SYCP2: variants seen among roughly 807,000 people sequenced by gnomAD.
SYCP2 encodes synaptonemal complex protein 2.
Under a neutral mutation model 211.3 loss-of-function variants are expected in SYCP2, and 55 were observed. The observed-to-expected ratio is 0.26, with a 90% confidence interval of 0.21 to 0.33. The LOEUF is 0.33. Ranked by LOEUF, SYCP2 falls within the 10% of genes least tolerant of loss-of-function variation. The probability of loss-of-function intolerance (pLI) is 1.00; values close to 1 mark genes in which losing one functional copy is unlikely to be tolerated. For synonymous variants in SYCP2, 570 were observed against 555.2 expected, an observed-to-expected ratio of 1.03 and a Z score of -0.37; for missense variants, 1,731 against 1,752.0, an observed-to-expected ratio of 0.99 and a Z score of 0.21.
Position 59,868,393 on chromosome 20 carries a change from C to A in SYCP2, c.3988+20G>T. 1 of 1,593,170 alleles carries A rather than the reference C, an allele frequency of 6.3e-7. No individual in the cohort carries two copies. Among genetic ancestry groups the A allele is most frequent in the Non-Finnish European group, 8.5e-7 (1 of 1,174,238 alleles). On this transcript the variant is annotated intron_variant, in intron 38 of 44. Transcript: ENST00000357552. ...CCCTCCAAATAACTGCATTTTGATA[C>A]AGGCTACTGATCTACCTACTTTTGT...
At position 59,891,285 on chromosome 20, in the gene SYCP2, A is replaced by T. The variant is rs557439692; in HGVS notation, c.2364+705T>A. ...AGTGGAAATGTATTCTAATTAAAAAATTTTTCTTAATCTGCATTTTGATAG... is the reference window on the plus strand; with the variant it reads ...AGTGGAAATGTATTCTAATTAAAAATTTTTTCTTAATCTGCATTTTGATAG... On this transcript the variant is annotated intron_variant, in intron 24 of 44. Coordinates refer to ENST00000357552, the MANE Select transcript of SYCP2 (RefSeq NM_014258.4). Among the ~76,000 whole-genome samples, 8 of 152,042 alleles carry T rather than the reference A, an allele frequency of 5.3e-5. No homozygotes were observed. The South Asian group carries it at 1.2e-3, about 24-fold the overall frequency.
intron 15 of SYCP2, among the ~76,000 whole-genome samples, chr20:59,904,053 A>C (rs2145795671): frequency 6.6e-6 from 1 of 152,308 alleles, no homozygotes; most frequent in South Asian, 2.1e-4. Flanking sequence ...CTGCTGGAGA[A>C]AAGAAGACAA....
intron 14 of SYCP2, among the ~76,000 whole-genome samples, chr20:59,907,900 G>A (rs1378082201): frequency 6.6e-6 from 1 of 152,130 alleles, no homozygotes; most frequent in African/African-American, 2.4e-5. Context: ...TATTTTCACT[G>A]AAAATGTGTA....
intron 35 of SYCP2, among the ~76,000 whole-genome samples, chr20:59,871,872 T>C (rs1286242704): frequency 6.6e-6 from 1 of 151,982 alleles, no homozygotes; most frequent in Non-Finnish European, 1.5e-5. Flanking sequence ...AAAATATATA[T>C]TGTTGTCTGT....
At chr20:59,908,275 A>C (rs1362793123) in intron 14 of SYCP2, among the ~76,000 whole-genome samples, 1 of 152,120 alleles carries the variant, frequency 6.6e-6, no homozygotes, top group Non-Finnish European at 1.5e-5. Flanking sequence ...AACACAAAAC[A>C]AAACGAAAAA....
intron 5 of SYCP2, among the ~76,000 whole-genome samples, 168 bp from the exon 6 acceptor site, chr20:59,919,765 T>A (rs1337650773): frequency 6.6e-6 from 1 of 151,782 alleles, no homozygotes; most frequent in Non-Finnish European, 1.5e-5. Context: ...TGTTTTTTTT[T>A]AACTATCTTT....
intron 2 of SYCP2, among the ~76,000 whole-genome samples, chr20:59,931,749 T>C (rs150029862): frequency 2.5e-4 from 38 of 152,074 alleles, no homozygotes; most frequent in Middle Eastern, 3.4e-3. Context: ...ACGAAGTCAG[T>C]TGGGGAAAAA....
chr20:59,932,916 C>T (rs1300645597), intron 1 of SYCP2, among the ~76,000 whole-genome samples: 1 of 152,094 alleles, frequency 6.6e-6, no homozygotes, highest in Non-Finnish European at 1.5e-5. Context: ...GTTTTGCGCG[C>T]ACTCCCTTCT....
intron 13 of SYCP2, 130 bp downstream of exon 13, chr20:59,912,243 T>C (rs147242522): frequency 5.7e-6 from 3 of 529,210 alleles, no homozygotes; most frequent in African/African-American, 2.0e-5. Flanking sequence ...AGATACAGAA[T>C]ACTAGACCAG....
chr20:59,927,132 G>A (rs1013478543), intron 2 of SYCP2, among the ~76,000 whole-genome samples: 1 of 152,134 alleles, frequency 6.6e-6, no homozygotes, highest in African/African-American at 2.4e-5. Flanking sequence ...AACGTAATGA[G>A]ATTTGTTGAG....
intron 18 of SYCP2, among the ~76,000 whole-genome samples, chr20:59,897,470 C>T (rs1201781723): frequency 6.6e-6 from 1 of 152,100 alleles, no homozygotes; most frequent in Non-Finnish European, 1.5e-5. Flanking sequence ...AGGTATTTAA[C>T]AGTAGTATGG....
At chr20:59,924,819 C>A (rs1225295314) in intron 2 of SYCP2, among the ~76,000 whole-genome samples, 1 of 151,914 alleles carries the variant, frequency 6.6e-6, no homozygotes, top group Non-Finnish European at 1.5e-5. Context: ...ACAGATGGTA[C>A]TGAAAAGAGA....
chr20:59,928,806 G>A (rs1048869772), intron 2 of SYCP2, among the ~76,000 whole-genome samples: 1 of 151,944 alleles, frequency 6.6e-6, no homozygotes, highest in African/African-American at 2.4e-5. Context: ...AAAAAATAAG[G>A]TCTAGATAAA....
At chr20:59,891,134 A>G (rs2059898032) in intron 24 of SYCP2, among the ~76,000 whole-genome samples, 1 of 152,046 alleles carries the variant, frequency 6.6e-6, no homozygotes, top group Non-Finnish European at 1.5e-5. Context: ...TTGTGTGAAC[A>G]TTTTACATTG....
At position 59,893,234 on chromosome 20, in the gene SYCP2, T is replaced by G. The variant is rs751361852; in HGVS notation, c.1736-35A>C. The G allele has an allele frequency of 4.9e-6, 7 of 1,423,496 alleles. No individual in the cohort carries two copies. The Admixed American group carries it at 7.1e-5, about 14-fold the overall frequency. 88.2% of individuals were successfully genotyped at this position (1,423,496 alleles called of 1,614,324 possible). On this transcript the variant is annotated intron_variant, in intron 21 of 44. Coordinates refer to ENST00000357552, the MANE Select transcript of SYCP2 (RefSeq NM_014258.4). ...ACAAATATTATAATATTTTCATTTT[T>G]TTCATGCAGTTGGCAGGGGGATAGG... is the stretch of plus-strand genomic sequence containing the variant.
chr20:59,874,075 A>C lies in SYCP2; in HGVS notation c.3350-14T>G, dbSNP rs1184151315. 6.8e-7 allele frequency: 1 copy of C among 1,462,622 alleles called. No individual in the cohort carries two copies. Among genetic ancestry groups the C allele is most frequent in the Non-Finnish European group, 9.2e-7 (1 of 1,082,584 alleles). The allele number at this position is 1,462,622 out of a possible 1,614,324, so 90.6% of individuals were successfully genotyped here. ...TTTTCTCTATACCTATATTGCATCA[A>C]AATAAAAAAGAAAATAGATGGCAAG... On this transcript the variant is annotated splice_polypyrimidine_tract_variant and intron_variant, in intron 34 of 44. Transcript: ENST00000357552.
chr20:59,910,739 A>G (rs1600945442), intron 14 of SYCP2, among the ~76,000 whole-genome samples: 1 of 151,298 alleles, frequency 6.6e-6, no homozygotes, highest in South Asian at 2.1e-4. Flanking sequence ...TGCAAAAGTA[A>G]TTGCAGTTTC....
At chr20:59,931,654 G>C (rs899454168) in intron 2 of SYCP2, among the ~76,000 whole-genome samples, 2 of 152,118 alleles carry the variant, frequency 1.3e-5, no homozygotes, top group Admixed American at 6.6e-5. Context: ...AATGCCCTGA[G>C]ACATTAATTA....
intron 35 of SYCP2, among the ~76,000 whole-genome samples, chr20:59,871,745 T>G (rs1406071211): frequency 6.6e-6 from 1 of 151,986 alleles, no homozygotes; most frequent in African/African-American, 2.4e-5. Flanking sequence ...AAGTAATCTC[T>G]AGATTACTTA....
Sources: allele counts gnomAD v4.1 joint callset (sites outside exome capture counted in the v4.1 genomes callset), GRCh38; gene constraint gnomAD v4.1.1; transcripts MANE v1.5; gene names NCBI Gene and HGNC (gene_info 2026-07-23, HGNC 2026-07-21).